The following TMCO4 variants were observed in gnomAD, a reference collection of about 807,000 sequenced individuals.
TMCO4 encodes the protein transmembrane and coiled-coil domain-containing protein 4.
Under a neutral mutation model 64.7 loss-of-function variants are expected in TMCO4, and 58 were observed. The ratio of observed to expected loss-of-function variants is 0.90; its 90% confidence interval spans 0.73 to 1.12. The LOEUF (loss-of-function observed/expected upper bound fraction) is 1.12, where lower values mean the gene tolerates loss of function less well. Ranked by LOEUF, TMCO4 falls within the 50% of genes most tolerant of loss-of-function variation. The pLI is 0.00. For synonymous variants in TMCO4, 325 were observed against 346.1 expected (o/e 0.94, Z 0.68); for missense variants, 780 against 825.9 (o/e 0.94, Z 0.68).
At chr1:19,689,075 C>T (rs1250298211) in intron 15 of TMCO4, among the ~76,000 whole-genome samples, 1 of 152,080 alleles carries the variant, frequency 6.6e-6, no homozygotes, top group Non-Finnish European at 1.5e-5. Context: ...CACAAAGGGC[C>T]CTGCTGCGTG....
At chr1:19,731,256 G>C (rs1284791076) in intron 13 of TMCO4, among the ~76,000 whole-genome samples, 3 of 152,110 alleles carry the variant, frequency 2.0e-5, no homozygotes, top group Non-Finnish European at 4.4e-5. Flanking sequence ...CTAGGTCCAG[G>C]GTCCATGCCA....
intron 6 of TMCO4, among the ~76,000 whole-genome samples, chr1:19,756,959 T>C (rs984662966): frequency 4.6e-5 from 7 of 152,076 alleles, no homozygotes; most frequent in Admixed American, 1.3e-4. Context: ...TAATACGTCA[T>C]GGGGTCCCAA....
chr1:19,716,509 C>T (rs1400260039), intron 13 of TMCO4, among the ~76,000 whole-genome samples: 2 of 151,354 alleles, frequency 1.3e-5, no homozygotes, highest in African/African-American at 4.9e-5. Flanking sequence ...GGATTACAGG[C>T]GTGAGCCACC....
rs950955488 is a variant in TMCO4, at chr1:19,682,653, T to A, written c.*387A>T. ...TTTATTGAGGCCAGGGGAGAGCTGG[T>A]GTGGGAGCCTCAGGCCCCAGAGAGC... On this transcript the variant is annotated 3_prime_UTR_variant, in exon 16 of 16. Transcript: ENST00000294543. The A allele has an allele frequency of 4.2e-6, 3 of 717,428 alleles. No individual in the cohort carries two copies. The highest frequency in any genetic ancestry group is 7.8e-6 in the Non-Finnish European group (3 of 385,080). 44.4% of individuals were successfully genotyped at this position (717,428 alleles called of 1,614,324 possible).
chr1:19,726,329 C>T (rs1386681657), intron 13 of TMCO4, among the ~76,000 whole-genome samples: 8 of 151,992 alleles, frequency 5.3e-5, no homozygotes, highest in Non-Finnish European at 1.0e-4. Flanking sequence ...TGATGCCTGG[C>T]TCGGCCACCT....
At chr1:19,704,054 G>C (rs1247660147) in intron 13 of TMCO4, among the ~76,000 whole-genome samples, 1 of 152,138 alleles carries the variant, frequency 6.6e-6, no homozygotes, top group Non-Finnish European at 1.5e-5. Flanking sequence ...TTTTCCTTTT[G>C]GGCTTCCATG....
At chr1:19,754,864 G>A (rs907460568) in intron 7 of TMCO4, among the ~76,000 whole-genome samples, 3 of 152,090 alleles carry the variant, frequency 2.0e-5, no homozygotes, top group South Asian at 4.1e-4. Flanking sequence ...TTTATAATGC[G>A]CAGACATTCA....
Position 19,777,212 on chromosome 1 carries a change from G to A in TMCO4, c.179+3368C>T, listed in dbSNP as rs531835159. The stretch of plus-strand genomic sequence containing the variant: ...TCCTCCCTGACGGGAGACTTGGGGA[G>A]AATCCCTGCCCTCTGCCCTCTTCCT... On this transcript the variant is annotated intron_variant, in intron 4 of 15. Transcript: ENST00000294543. 3.3e-5 allele frequency among the ~76,000 whole-genome samples: 5 copies of A among 152,258 alleles called. No homozygotes were observed. In the South Asian group the frequency reaches 8.3e-4, roughly 25 times the overall value.
intron 2 of TMCO4, among the ~76,000 whole-genome samples, chr1:19,790,331 A>G (rs1247014718): frequency 6.6e-6 from 1 of 152,200 alleles, no homozygotes; most frequent in Admixed American, 6.5e-5. Context: ...ATCTGATTAA[A>G]CTAAAGAGCT....
intron 15 of TMCO4, among the ~76,000 whole-genome samples, chr1:19,688,039 T>C (rs778291520): frequency 1.6e-4 from 25 of 152,188 alleles, no homozygotes; most frequent in Non-Finnish European, 2.8e-4. Context: ...GTGTAGCCGA[T>C]ACTGCGTGAA....
intron 2 of TMCO4, among the ~76,000 whole-genome samples, chr1:19,797,916 G>A (rs1185894891): frequency 2.3e-5 from 3 of 128,378 alleles, no homozygotes; most frequent in Non-Finnish European, 4.8e-5. Context: ...GGGAGAGAGG[G>A]AGGGAGGGAG....
intron 4 of TMCO4, among the ~76,000 whole-genome samples, chr1:19,779,796 T>G (rs1234388317): frequency 2.0e-5 from 3 of 152,242 alleles, no homozygotes; most frequent in Non-Finnish European, 4.4e-5. Context: ...GAATAAATAT[T>G]AATATCTTAT....
intron 13 of TMCO4, among the ~76,000 whole-genome samples, chr1:19,705,441 A>G (rs1284201792): frequency 6.6e-6 from 1 of 151,898 alleles, no homozygotes; most frequent in Non-Finnish European, 1.5e-5. Context: ...ACAGAGACAG[A>G]CTCCATCTCA....
intron 13 of TMCO4, among the ~76,000 whole-genome samples, chr1:19,705,612 G>C (rs2095298868): frequency 6.6e-6 from 1 of 151,930 alleles, no homozygotes; most frequent in African/African-American, 2.4e-5. Flanking sequence ...ATCCTGGGTG[G>C]CATGTGGCCA....
In TMCO4 at chr1:19,682,776, G is replaced by A; in HGVS notation, c.*264C>T. On this transcript the variant is annotated 3_prime_UTR_variant, in exon 16 of 16. Coordinates refer to ENST00000294543, the MANE Select transcript of TMCO4 (RefSeq NM_181719.7). ...GTCCTGGGACTCTAACCTGTGCTTGGTTGACTCTGCAGGTCTCTGATGAGG... is the reference window on the plus strand; with the variant it reads ...GTCCTGGGACTCTAACCTGTGCTTGATTGACTCTGCAGGTCTCTGATGAGG... 1.4e-6 allele frequency: 1 copy of A among 719,646 alleles called. No individual in the cohort carries two copies. The highest frequency in any genetic ancestry group is 2.6e-6 in the Non-Finnish European group (1 of 387,246). The allele number at this position is 719,646 out of a possible 1,614,324, so 44.6% of individuals were successfully genotyped here. A position where few individuals can be genotyped will look rare whatever the true frequency, so the allele number is the denominator to read the frequency against.
chr1:19,783,984 C>T (rs1185848762), intron 3 of TMCO4, among the ~76,000 whole-genome samples: 2 of 152,230 alleles, frequency 1.3e-5, no homozygotes, highest in Admixed American at 6.5e-5. Context: ...GAACTAAGGG[C>T]AGTGCCAAGG....
At position 19,777,261 on chromosome 1, in the gene TMCO4, G is replaced by A. The variant is rs1157640468; in HGVS notation, c.179+3319C>T. ...CTTCCTGCCTTGGGCCTTGTCCTGTGAGGGTGTGATGTATGGAGCTGCAGC... is the reference window on the plus strand; with the variant it reads ...CTTCCTGCCTTGGGCCTTGTCCTGTAAGGGTGTGATGTATGGAGCTGCAGC... On this transcript the variant is annotated intron_variant, in intron 4 of 15. Coordinates refer to ENST00000294543, the MANE Select transcript of TMCO4 (RefSeq NM_181719.7). Among the ~76,000 whole-genome samples, 4 of 151,888 alleles carry A rather than the reference G, an allele frequency of 2.6e-5. No individual in the cohort carries two copies. The East Asian group carries it at 7.7e-4, about 29-fold the overall frequency.
At chr1:19,741,800 G>C (rs1420796154) in intron 10 of TMCO4, among the ~76,000 whole-genome samples, 1 of 149,334 alleles carries the variant, frequency 6.7e-6, no homozygotes, top group Non-Finnish European at 1.5e-5. Context: ...GTAGTGGCAC[G>C]ATCTCGGTTC....
intron 7 of TMCO4, chr1:19,750,142 C>T (rs1033298392): frequency 6.6e-6 from 1 of 152,154 alleles, no homozygotes; most frequent in African/African-American, 2.4e-5. Context: ...ATAATTTCCT[C>T]CTCAACACAG....
Sources: allele counts gnomAD v4.1 joint callset (sites outside exome capture counted in the v4.1 genomes callset), GRCh38; gene constraint gnomAD v4.1.1; transcripts MANE v1.5; gene names NCBI Gene and HGNC (gene_info 2026-07-23, HGNC 2026-07-21).